Variants in SAMD5 observed in about 807,000 individuals in gnomAD.
The protein encoded by SAMD5 is sterile alpha motif domain containing 5.
In SAMD5, 13 loss-of-function variants were observed where a neutral mutation model predicts 11.3. The ratio of observed to expected loss-of-function variants is 1.15; its 90% CI spans 0.75 to 1.83. SAMD5 has a LOEUF of 1.83. SAMD5 is among the 40% of genes most tolerant of loss of function. The probability of loss-of-function intolerance (pLI) is 0.00; values close to 1 mark genes in which losing one functional copy is unlikely to be tolerated. For missense variants in SAMD5, 255 were observed against 239.1 expected, an observed-to-expected ratio of 1.07 and a Z score of -0.44; for synonymous variants, 129 against 111.3, an observed-to-expected ratio of 1.16 and a Z score of -1.00.
the SAMD5 span, among the ~76,000 whole-genome samples, chr6:147,920,269 G>GAGTC: frequency 6.6e-6 from 1 of 152,174 alleles, no homozygotes; most frequent in Non-Finnish European, 1.5e-5. Flanking sequence ...TTGACTTGCT[G>GAGTC]AGTCTTCTGG....
At chr6:147,756,680 A>G in the SAMD5 span, among the ~76,000 whole-genome samples, 1 of 152,216 alleles carries the variant, frequency 6.6e-6, no homozygotes, top group Non-Finnish European at 1.5e-5. Context: ...GACTGAATTG[A>G]CATTAATGTC....
At chr6:147,902,789 C>T in the SAMD5 span, among the ~76,000 whole-genome samples, 6 of 152,290 alleles carry the variant, frequency 3.9e-5, no homozygotes, top group African/African-American at 1.2e-4. Flanking sequence ...TTCTGTTCCT[C>T]TCCCAGTTTA....
the SAMD5 span, among the ~76,000 whole-genome samples, chr6:147,935,346 C>T: frequency 6.6e-6 from 1 of 152,096 alleles, no homozygotes; most frequent in African/African-American, 2.4e-5. Flanking sequence ...AGATGCGATG[C>T]TACATCACTA....
chr6:147,651,921 C>T (rs924856863), intron 1 of SAMD5, among the ~76,000 whole-genome samples: 5 of 151,854 alleles, frequency 3.3e-5, no homozygotes, highest in African/African-American at 7.2e-5. Context: ...CACCCAGGCC[C>T]GCACAGAGTG....
chr6:147,569,825 G>A lies in SAMD5; in HGVS notation c.*5369G>A, dbSNP rs1789108399. 1 of 985,108 alleles carries A rather than the reference G, an allele frequency of 1.0e-6. No individual in the cohort carries two copies. The highest frequency in any genetic ancestry group is 1.2e-6 in the Non-Finnish European group (1 of 829,664). 61.0% of individuals were successfully genotyped at this position (985,108 alleles called of 1,614,324 possible). A position where few individuals can be genotyped will look rare whatever the true frequency, so the allele number is the denominator to read the frequency against. On this transcript the variant is annotated 3_prime_UTR_variant, in exon 2 of 2. Transcript: ENST00000367474. ...AGATTCACTCTAATTGAAAGCAGCAGTTTGGTTTTGTAAATGTAATTGCAA... is the reference window on the plus strand; with the variant it reads ...AGATTCACTCTAATTGAAAGCAGCAATTTGGTTTTGTAAATGTAATTGCAA...
intron 1 of SAMD5, among the ~76,000 whole-genome samples, chr6:147,634,133 CT>C (rs1790190537): frequency 6.6e-6 from 1 of 152,100 alleles, no homozygotes; most frequent in East Asian, 1.9e-4. Flanking sequence ...TGTTTAAGGT[CT>C]GTGTTAGTCC....
the SAMD5 span, among the ~76,000 whole-genome samples, chr6:147,874,901 T>G: frequency 6.6e-6 from 1 of 152,050 alleles, no homozygotes; most frequent in African/African-American, 2.4e-5. Flanking sequence ...ATGGCCTGAT[T>G]ATGTTAAGCT....
the SAMD5 span, among the ~76,000 whole-genome samples, chr6:147,763,470 AT>A: frequency 1.9e-3 from 278 of 142,764 alleles, no homozygotes; most frequent in African/African-American, 6.0e-3. Context: ...CCCATCATGG[AT>A]TTTTTTTTTT....
At chr6:147,526,153 G>A (rs1788335572) in intron 1 of SAMD5, among the ~76,000 whole-genome samples, 1 of 152,186 alleles carries the variant, frequency 6.6e-6, no homozygotes, top group Non-Finnish European at 1.5e-5. Flanking sequence ...AGAGGGAATG[G>A]GAGCAGTGTT....
At chr6:147,894,369 G>T in the SAMD5 span, among the ~76,000 whole-genome samples, 1 of 152,096 alleles carries the variant, frequency 6.6e-6, no homozygotes, top group Non-Finnish European at 1.5e-5. Flanking sequence ...TGATCCGCCT[G>T]CATCGGCCTC....
downstream of SAMD5, among the ~76,000 whole-genome samples, chr6:147,572,948 A>G (rs1267853487): frequency 6.6e-6 from 1 of 152,190 alleles, no homozygotes; most frequent in Non-Finnish European, 1.5e-5. Context: ...ACCAAAGTAA[A>G]GGCAAAAAAG....
At chr6:147,891,309 A>G in the SAMD5 span, among the ~76,000 whole-genome samples, 2 of 152,328 alleles carry the variant, frequency 1.3e-5, no homozygotes, top group East Asian at 1.9e-4. Context: ...AACATGGGGA[A>G]AACTCATGCC....
At chr6:147,932,370 C>T in the SAMD5 span, among the ~76,000 whole-genome samples, 450 of 152,108 alleles carry the variant, frequency 3.0e-3, 4 homozygotes, top group African/African-American at 0.011. Flanking sequence ...GCTTGGAGGA[C>T]CCAGGAGTGT....
chr6:147,907,540 T>A, the SAMD5 span, among the ~76,000 whole-genome samples: 2,529 of 152,306 alleles, frequency 0.017, 77 homozygotes, highest in African/African-American at 0.058. Context: ...CTGTGCTTGG[T>A]AGGTGATATG....
chr6:147,574,722 T>C (rs1420190599), downstream of SAMD5, among the ~76,000 whole-genome samples: 4 of 152,312 alleles, frequency 2.6e-5, no homozygotes, highest in East Asian at 7.7e-4. Flanking sequence ...TGTCATCACA[T>C]AGCAGAAGGC....
chr6:147,794,604 A>G, the SAMD5 span, among the ~76,000 whole-genome samples: 2 of 152,210 alleles, frequency 1.3e-5, no homozygotes, highest in Non-Finnish European at 2.9e-5. Context: ...AATTTAAAAG[A>G]TGGTAAAGTT....
At chr6:147,646,010 CTATG>C (rs1562341808) in intron 1 of SAMD5, among the ~76,000 whole-genome samples, 813 of 40,524 alleles carry the variant, frequency 0.02, 7 homozygotes, top group South Asian at 0.058. Flanking sequence ...GTCTGTCTGT[CTATG>C]TATCTATCTA....
chr6:147,600,476 A>T (rs1359060852), intron 1 of SAMD5, among the ~76,000 whole-genome samples: 1 of 152,182 alleles, frequency 6.6e-6, no homozygotes, highest in African/African-American at 2.4e-5. Flanking sequence ...CCAGCCTCCC[A>T]TTCTTGGGAG....
At chr6:147,528,359 C>T (rs575000020) in intron 1 of SAMD5, among the ~76,000 whole-genome samples, 2 of 152,268 alleles carry the variant, frequency 1.3e-5, no homozygotes, top group African/African-American at 2.4e-5. Context: ...TCTGAGGCCA[C>T]GTGCCCCAGC....
Sources: allele counts gnomAD v4.1 joint callset (sites outside exome capture counted in the v4.1 genomes callset), GRCh38; gene constraint gnomAD v4.1.1; transcripts MANE v1.5; gene names NCBI Gene and HGNC (gene_info 2026-07-23, HGNC 2026-07-21).